The following ADAMTSL3 variants were observed in gnomAD, a reference collection of about 807,000 sequenced individuals.
ADAMTSL3 encodes the protein ADAMTS like 3, also known as ADAMTS-like protein 3.
In ADAMTSL3, 128 loss-of-function variants were observed where a neutral mutation model predicts 201.7. The ratio of observed to expected loss-of-function variants is 0.63; its 90% CI spans 0.55 to 0.73. The LOEUF is 0.73. ADAMTSL3 is among the 30% of genes least tolerant of loss of function. The pLI, the probability that ADAMTSL3 is intolerant of heterozygous loss-of-function variation, is 0.00. For synonymous variants in ADAMTSL3, 738 were observed against 748.4 expected (o/e 0.99, Z 0.23); for missense variants, 1,990 against 2,119.6 (o/e 0.94, Z 1.20).
At chr15:83,990,940 C>A in intron 22 of ADAMTSL3, 146 bp from the exon 23 acceptor site, 1 of 1,134,436 alleles carries the variant, frequency 8.8e-7, no homozygotes, top group Non-Finnish European at 1.3e-6. Context: ...TGTGCACATC[C>A]CCACGGTGCA....
chr15:83,655,705 A>G (rs2061072395), intron 1 of ADAMTSL3, 24 bp from the exon 2 acceptor site: 1 of 1,567,358 alleles, frequency 6.4e-7, no homozygotes, highest in Admixed American at 1.7e-5. Context: ...GCTGGTTGGT[A>G]ATGAACTCTT....
At chr15:83,994,914 A>G (rs1189878464) in intron 23 of ADAMTSL3, among the ~76,000 whole-genome samples, 1 of 151,794 alleles carries the variant, frequency 6.6e-6, no homozygotes, top group Non-Finnish European at 1.5e-5. Flanking sequence ...CCGGCCCTGG[A>G]AGGAGTTTTT....
intron 9 of ADAMTSL3, among the ~76,000 whole-genome samples, chr15:83,880,742 T>C (rs982181374): frequency 1.3e-5 from 2 of 152,220 alleles, no homozygotes; most frequent in Non-Finnish European, 2.9e-5. Flanking sequence ...CCAATACTTA[T>C]GTTATAATCA....
At chr15:83,682,648 A>G (rs1343594296) in intron 2 of ADAMTSL3, among the ~76,000 whole-genome samples, 2 of 152,100 alleles carry the variant, frequency 1.3e-5, no homozygotes, top group African/African-American at 4.8e-5. Context: ...GGGTAAGGAG[A>G]TTCAGTGTTT....
intron 3 of ADAMTSL3, among the ~76,000 whole-genome samples, chr15:83,747,846 T>A (rs534550859): frequency 4.0e-5 from 6 of 151,444 alleles, no homozygotes; most frequent in Non-Finnish European, 8.8e-5. Flanking sequence ...AAGCGGATCT[T>A]ATTTCAGAAC....
intron 3 of ADAMTSL3, among the ~76,000 whole-genome samples, chr15:83,756,967 C>A (rs2062731553): frequency 6.6e-6 from 1 of 152,234 alleles, no homozygotes; most frequent in Non-Finnish European, 1.5e-5. Context: ...AAGAGGTGGG[C>A]TCCCATGGCC....
chr15:83,713,002 C>G (rs970433851), intron 3 of ADAMTSL3, among the ~76,000 whole-genome samples: 4 of 152,178 alleles, frequency 2.6e-5, no homozygotes, highest in Admixed American at 6.5e-5. Flanking sequence ...ACAACTAATT[C>G]TCTTATCTCT....
intron 27 of ADAMTSL3, among the ~76,000 whole-genome samples, chr15:84,027,366 C>T (rs776802826): frequency 2.0e-4 from 30 of 152,272 alleles, no homozygotes; most frequent in Non-Finnish European, 3.2e-4. Flanking sequence ...GAAATTCCAC[C>T]CCTAGGTATG....
At chr15:83,882,738 C>T (rs530680583) in intron 9 of ADAMTSL3, among the ~76,000 whole-genome samples, 134 of 152,110 alleles carry the variant, frequency 8.8e-4, no homozygotes, top group Non-Finnish European at 1.6e-3. Context: ...ACTTTGAGGA[C>T]TTGACTTTGT....
At chr15:83,843,717 C>T (rs1381446161) in intron 7 of ADAMTSL3, among the ~76,000 whole-genome samples, 1 of 152,166 alleles carries the variant, frequency 6.6e-6, no homozygotes, top group Non-Finnish European at 1.5e-5. Flanking sequence ...GACATGGCAA[C>T]GAGATGCTGT....
Position 83,704,516 on chromosome 15 carries a change from C to T in ADAMTSL3, c.189+8C>T, listed in dbSNP as rs367931299. 135 of 1,614,092 alleles carry T rather than the reference C, an allele frequency of 8.4e-5. No individual in the cohort carries two copies. The African/African-American group carries it at 1.4e-3, about 17-fold the overall frequency. On this transcript the variant is annotated splice_region_variant and intron_variant, in intron 3 of 29. Transcript: ENST00000286744. ...TATCGCTATGATGACCAGGTAAGAA[C>T]ATTGGACAAGGATCTACCTTTGGCT...
chr15:84,004,656 C>G (rs1230875108), intron 23 of ADAMTSL3, among the ~76,000 whole-genome samples: 1 of 152,156 alleles, frequency 6.6e-6, no homozygotes, highest in Non-Finnish European at 1.5e-5. Context: ...GAACCCAGCT[C>G]CATGCTCTGG....
At chr15:83,866,864 T>C (rs2064990455) in intron 8 of ADAMTSL3, among the ~76,000 whole-genome samples, 1 of 152,206 alleles carries the variant, frequency 6.6e-6, no homozygotes, top group African/African-American at 2.4e-5. Flanking sequence ...CTGGCACTCG[T>C]CCAAGAACAG....
intron 2 of ADAMTSL3, among the ~76,000 whole-genome samples, chr15:83,694,534 T>C (rs2061654397): frequency 6.6e-6 from 1 of 152,194 alleles, no homozygotes; most frequent in Non-Finnish European, 1.5e-5. Context: ...CTGTTTCCAA[T>C]AGGTCAGCTT....
At chr15:83,844,166 G>A (rs561574677) in intron 7 of ADAMTSL3, among the ~76,000 whole-genome samples, 2 of 152,248 alleles carry the variant, frequency 1.3e-5, no homozygotes, top group African/African-American at 4.8e-5. Flanking sequence ...TTACATGGTG[G>A]CAGCCAAGCC....
At chr15:83,985,326 C>T (rs933341982) in intron 21 of ADAMTSL3, among the ~76,000 whole-genome samples, 3 of 152,026 alleles carry the variant, frequency 2.0e-5, no homozygotes, top group Admixed American at 1.3e-4. Flanking sequence ...AAACCTTTTT[C>T]ATCATTGGCA....
intron 3 of ADAMTSL3, among the ~76,000 whole-genome samples, chr15:83,714,558 C>T (rs1356590393): frequency 6.6e-6 from 1 of 152,094 alleles, no homozygotes; most frequent in Non-Finnish European, 1.5e-5. Flanking sequence ...TCAGTTGTTA[C>T]TTCCTCAAAG....
intron 3 of ADAMTSL3, among the ~76,000 whole-genome samples, chr15:83,769,695 ATTG>A (rs2062948016): frequency 6.6e-6 from 1 of 151,778 alleles, no homozygotes; most frequent in Admixed American, 6.6e-5. Context: ...AGTGAAAATT[ATTG>A]GAAAACCCCC....
At chr15:83,809,406 A>G (rs943382396) in intron 5 of ADAMTSL3, among the ~76,000 whole-genome samples, 5 of 152,176 alleles carry the variant, frequency 3.3e-5, no homozygotes, top group African/African-American at 1.2e-4. Flanking sequence ...TCCTGTTACA[A>G]GCATCCAAAT....
Sources: allele counts gnomAD v4.1 joint callset (sites outside exome capture counted in the v4.1 genomes callset), GRCh38; gene constraint gnomAD v4.1.1; transcripts MANE v1.5; gene names NCBI Gene and HGNC (gene_info 2026-07-23, HGNC 2026-07-21).